Variants in MYH10 observed in about 807,000 individuals in gnomAD.
MYH10 encodes the protein myosin-10.
Under a neutral mutation model 257.8 loss-of-function variants are expected in MYH10, and 55 were observed. The ratio of observed to expected loss-of-function variants is 0.21; its 90% CI spans 0.17 to 0.27. The LOEUF (loss-of-function observed/expected upper bound fraction) is 0.27, where lower values mean the gene tolerates loss of function less well. Among genes scored for constraint, MYH10 ranks in the 10% least tolerant of loss-of-function variants. The pLI, the probability that MYH10 is intolerant of heterozygous loss-of-function variation, is 1.00. For missense variants in MYH10, 1,631 were observed against 2,500.6 expected (o/e 0.65, Z 7.42); for synonymous variants, 854 against 921.7 (o/e 0.93, Z 1.33).
At position 8,618,251 on chromosome 17, in the gene MYH10, C is replaced by CTT. The variant is rs149959575; in HGVS notation, c.345+4649_345+4650dup. Among the ~76,000 whole-genome samples the CTT allele has an allele frequency of 3.3e-3, 467 of 142,468 alleles. 3 individuals are homozygous for CTT. Among genetic ancestry groups the CTT allele is most frequent in the African/African-American group, 5.9e-3 (230 of 38,678 alleles). The allele number at this position is 142,468 out of a possible 152,430, so 93.5% of individuals were successfully genotyped here. A position where few individuals can be genotyped will look rare whatever the true frequency, so the allele number is the denominator to read the frequency against. On this transcript the variant is annotated intron_variant, in intron 2 of 42. Transcript: ENST00000360416. ...ACTTAACATGATAATTTCCTTTTTTCTTTTTTTTTTTTTTGAGATGGAGTT... is the reference window on the plus strand; with the variant it reads ...ACTTAACATGATAATTTCCTTTTTTCTTTTTTTTTTTTTTTTGAGATGGAGTT...
At position 8,588,519 on chromosome 17, in the gene MYH10, C is replaced by T. The variant is rs146656852; in HGVS notation, c.530+562G>A. Among the ~76,000 whole-genome samples, 452 of 152,282 alleles carry T rather than the reference C, an allele frequency of 3.0e-3. 1 individual carries two copies. Among genetic ancestry groups the T allele is most frequent in the Admixed American group, 4.9e-3 (75 of 15,306 alleles). On this transcript the variant is annotated intron_variant, in intron 4 of 42. Transcript: ENST00000360416. ...TAAATCTGCCTCCTAAACTGAACAC[C>T]GCTTAAACGCAACCACTGCTCTCTA...
intron 3 of MYH10, among the ~76,000 whole-genome samples, chr17:8,597,015 G>A (rs970129130): frequency 1.3e-5 from 2 of 152,116 alleles, no homozygotes; most frequent in African/African-American, 4.8e-5. Context: ...GTCGTCAAGG[G>A]GGAAAGACCC....
rs191878920 is a variant in MYH10 at position 8,608,528 on chromosome 17, C to T, written c.346-3546G>A. On this transcript the variant is annotated intron_variant, in intron 2 of 42. Transcript: ENST00000360416. ...AACAAATCCCTTTAATGTACTGACA[C>T]TGTGGTATGGTGGGTGAGCCAAGCA... is the stretch of plus-strand genomic sequence containing the variant. 3.4e-3 allele frequency among the ~76,000 whole-genome samples: 515 copies of T among 152,322 alleles called. 4 individuals are homozygous for T. Among genetic ancestry groups the T allele is most frequent in the African/African-American group, 0.012 (491 of 41,558 alleles).
At chr17:8,481,454 C>A in intron 37 of MYH10, 44 bp from the exon 38 acceptor site, 1 of 1,578,150 alleles carries the variant, frequency 6.3e-7, no homozygotes, top group Non-Finnish European at 8.7e-7. Flanking sequence ...TGAATAGTTT[C>A]CTCACCTGTG....
At chr17:8,602,162 T>C (rs1208192170) in intron 3 of MYH10, among the ~76,000 whole-genome samples, 1 of 152,148 alleles carries the variant, frequency 6.6e-6, no homozygotes, top group African/African-American at 2.4e-5. Context: ...TTTTCTTTAA[T>C]ACAGACGGGG....
intron 35 of MYH10, among the ~76,000 whole-genome samples, chr17:8,489,746 C>CACACACACA (rs1451899373): frequency 1.0e-4 from 15 of 149,604 alleles, no homozygotes; most frequent in East Asian, 3.9e-4. Flanking sequence ...CACACACACA[C>CACACACACA]CCCAAATCCA....
intron 4 of MYH10, among the ~76,000 whole-genome samples, chr17:8,582,591 T>C (rs2083749983): frequency 6.6e-6 from 1 of 152,252 alleles, no homozygotes; most frequent in Non-Finnish European, 1.5e-5. Flanking sequence ...GTCCTGCATC[T>C]GTTGAAGCAC....
intron 2 of MYH10, among the ~76,000 whole-genome samples, chr17:8,607,639 C>T (rs900824892): frequency 6.6e-6 from 1 of 152,184 alleles, no homozygotes; most frequent in Admixed American, 6.5e-5. Context: ...TGTCTTCCCC[C>T]AGACACATGG....
chr17:8,583,273 T>C (rs751710473), intron 4 of MYH10, among the ~76,000 whole-genome samples: 3 of 152,256 alleles, frequency 2.0e-5, no homozygotes, highest in Non-Finnish European at 4.4e-5. Context: ...GATTTGATAC[T>C]TCTTTTTCTT....
chr17:8,577,379 C>A, intron 4 of MYH10, 41 bp from the exon 5 acceptor site: 2 of 1,248,418 alleles, frequency 1.6e-6, no homozygotes, highest in East Asian at 2.3e-5. Flanking sequence ...AACGAAAGCA[C>A]AGCACATGCA....
intron 2 of MYH10, among the ~76,000 whole-genome samples, chr17:8,606,105 A>T (rs1487590594): frequency 6.6e-6 from 1 of 152,248 alleles, no homozygotes; most frequent in African/African-American, 2.4e-5. Context: ...CAATAAACAT[A>T]AGCCAAATAA....
At chr17:8,494,989 G>A (rs1022218965) in intron 31 of MYH10, 148 bp downstream of exon 31, 3 of 604,728 alleles carry the variant, frequency 5.0e-6, no homozygotes, top group Non-Finnish European at 8.8e-6. Context: ...GAGAAATCCC[G>A]AGTAGCAAGG....
At chr17:8,556,727 C>G (rs957931094) in intron 7 of MYH10, among the ~76,000 whole-genome samples, 1 of 152,172 alleles carries the variant, frequency 6.6e-6, no homozygotes, top group African/African-American at 2.4e-5. Context: ...TCTAAACGCA[C>G]TGAACTGTAC....
chr17:8,605,601 G>A (rs1388537572), intron 2 of MYH10, among the ~76,000 whole-genome samples: 5 of 151,904 alleles, frequency 3.3e-5, no homozygotes, highest in African/African-American at 4.8e-5. Context: ...AAAATTAGCC[G>A]GGCACAGTGG....
At chr17:8,581,152 G>C (rs934123814) in intron 4 of MYH10, among the ~76,000 whole-genome samples, 1 of 152,078 alleles carries the variant, frequency 6.6e-6, no homozygotes, top group Admixed American at 6.6e-5. Context: ...GAGGCAGATG[G>C]AGCAGGAAGG....
intron 8 of MYH10, among the ~76,000 whole-genome samples, chr17:8,553,249 T>G (rs943502862): frequency 6.6e-6 from 1 of 152,186 alleles, no homozygotes; most frequent in East Asian, 1.9e-4. Context: ...GTGAGTCCAT[T>G]TGGAGGCATA....
chr17:8,487,587 T>C lies in MYH10; in HGVS notation c.4892A>G (p.Glu1631Gly). 6.2e-7 allele frequency: 1 copy of C among 1,614,164 alleles called. No homozygotes were observed. The highest frequency in any genetic ancestry group is 8.5e-7 in the Non-Finnish European group (1 of 1,180,030). ...CTCATCCTCCAGCTCCGCCTCGAGC[T>C]CCCGCACCTAATGGACAACATCGGG... is the stretch of plus-strand genomic sequence containing the variant. ...KKRLLIKQVR[E>G]LEAELEDERK... Residue 1631 changes from glutamate (E) to glycine (G), a missense_variant, in exon 36 of 43, where the codon GAG becomes GGG. By Grantham distance (98) the Glu-to-Gly change is moderately conservative (BLOSUM62 -2). Coordinates refer to ENST00000360416, the MANE Select transcript of MYH10 (RefSeq NM_001256012.3).
intron 23 of MYH10, among the ~76,000 whole-genome samples, chr17:8,513,289 T>C (rs1334094352): frequency 6.6e-6 from 1 of 152,146 alleles, no homozygotes; most frequent in African/African-American, 2.4e-5. Context: ...ACACCAAGAA[T>C]AACAAAAGCA....
At chr17:8,511,392 C>A (rs1385419981) in intron 24 of MYH10, among the ~76,000 whole-genome samples, 1 of 151,922 alleles carries the variant, frequency 6.6e-6, no homozygotes, top group Non-Finnish European at 1.5e-5. Context: ...TGGTAGCAGG[C>A]GCCTGTAATC....
Sources: gnomAD v4.1 joint callset for allele counts (sites outside exome capture counted in the v4.1 genomes callset) on GRCh38, gnomAD v4.1.1 for gene constraint, MANE v1.5 for transcripts, NCBI Gene and HGNC (gene_info 2026-07-23, HGNC 2026-07-21) for gene names.